ADH7: variants seen among roughly 807,000 people sequenced by gnomAD.
The protein encoded by ADH7 is alcohol dehydrogenase 7 (class IV), mu or sigma polypeptide.
ADH7 carries 41 observed loss-of-function variants against 34.4 expected under a neutral mutation model. The observed-to-expected ratio is 1.19, with a 90% CI of 0.93 to 1.55. ADH7 has a LOEUF of 1.55. ADH7 is among the 40% of genes most tolerant of loss of function. The pLI, the probability that ADH7 is intolerant of heterozygous loss-of-function variation, is 0.00. For missense variants in ADH7, 540 were observed against 461.2 expected (o/e 1.17, Z -1.56); for synonymous variants, 180 against 160.9 (o/e 1.12, Z -0.90).
chr4:99,430,731 T>A (rs758685085), intron 1 of ADH7, among the ~76,000 whole-genome samples: 1 of 152,198 alleles, frequency 6.6e-6, no homozygotes, highest in Non-Finnish European at 1.5e-5. Flanking sequence ...TGGCCCAATG[T>A]TGACGTTAGA....
rs1457604288 is a variant in ADH7, at chr4:99,424,248, T to C, written c.565-3455A>G. On this transcript the variant is annotated intron_variant, in intron 5 of 8. Coordinates refer to ENST00000437033, the MANE Select transcript of ADH7 (RefSeq NM_000673.7). ...GTTCCATTGATCTACATCTCTGTTT[T>C]GGTACCAGTACCATGCTGTTTTTGT... Among the ~76,000 whole-genome samples, 15 of 152,400 alleles carry C rather than the reference T, an allele frequency of 9.8e-5. No homozygotes were observed. In the East Asian group the frequency reaches 2.3e-3, roughly 23 times the overall value.
chr4:99,413,930 A>G (rs1015705352), intron 8 of ADH7, among the ~76,000 whole-genome samples: 3 of 152,204 alleles, frequency 2.0e-5, no homozygotes, highest in Non-Finnish European at 2.9e-5. Flanking sequence ...AGGAACGCAT[A>G]ATATAATGAC....
chr4:99,426,164 G>A (rs553845108), intron 5 of ADH7, among the ~76,000 whole-genome samples: 1 of 152,120 alleles, frequency 6.6e-6, no homozygotes, highest in Admixed American at 6.5e-5. Flanking sequence ...AAAAACAAGA[G>A]CAAACACATT....
At chr4:99,421,722 G>C (rs1211508465) in intron 5 of ADH7, among the ~76,000 whole-genome samples, 2 of 152,050 alleles carry the variant, frequency 1.3e-5, no homozygotes, top group Non-Finnish European at 2.9e-5. Context: ...GCAACCTACA[G>C]AATGGGAGGA....
rs1721441071 is a variant in ADH7 at position 99,413,016 on chromosome 4, G to T, written c.*132C>A. Reference sequence around the variant, plus strand: ...TAAAGGTTAATAATTCTTTATAAGGGTTCTATGTCTTCAACAAATCTTCTA... The same window carrying T: ...TAAAGGTTAATAATTCTTTATAAGGTTTCTATGTCTTCAACAAATCTTCTA... On this transcript the variant is annotated 3_prime_UTR_variant, in exon 9 of 9. Coordinates refer to ENST00000437033, the MANE Select transcript of ADH7 (RefSeq NM_000673.7). 4 of 899,570 alleles carry T rather than the reference G, an allele frequency of 4.4e-6. No individual in the cohort carries two copies. The highest frequency in any genetic ancestry group is 1.5e-5 in the South Asian group (1 of 66,030). The allele number at this position is 899,570 out of a possible 1,614,324, so 55.7% of individuals were successfully genotyped here.
chr4:99,424,910 A>G (rs947671597), intron 5 of ADH7, among the ~76,000 whole-genome samples: 9 of 152,116 alleles, frequency 5.9e-5, no homozygotes, highest in Admixed American at 5.9e-4. Context: ...TTCCAACACT[A>G]TGTTGAATAG....
Position 99,420,773 on chromosome 4 carries a change from G to C in ADH7, c.585C>G (p.Cys195Trp), listed in dbSNP as rs757198627. ...CAACTCCTCCCAGGCCAAAGACGACGCAAGTGGAACCAGGTTTGACCTGTG... is the reference window on the plus strand; with the variant it reads ...CAACTCCTCCCAGGCCAAAGACGACCCAAGTGGAACCAGGTTTGACCTGTG... ...KTGKVKPGST[C>W]VVFGLGGVGL... Residue 195 changes from cysteine (C) to tryptophan (W), a missense_variant, in exon 6 of 9, where the codon TGC (cysteine) becomes TGG (tryptophan). Coordinates refer to ENST00000437033, the MANE Select transcript of ADH7 (RefSeq NM_000673.7). The C allele has an allele frequency of 6.2e-7, 1 of 1,613,652 alleles. No homozygotes were observed. The highest frequency in any genetic ancestry group is 1.3e-5 in the African/African-American group (1 of 74,892).
rs1721429323 is a variant in ADH7 at position 99,412,468 on chromosome 4, T to G, written c.*680A>C. On this transcript the variant is annotated 3_prime_UTR_variant, in exon 9 of 9. Coordinates refer to ENST00000437033, the MANE Select transcript of ADH7 (RefSeq NM_000673.7). The stretch of plus-strand genomic sequence containing the variant: ...ATGATAATATGATTCTAGCTCTATG[T>G]TTATATTCAGTATTACAAAAGGAAT... The G allele has an allele frequency of 6.6e-6, 1 of 152,088 alleles. No homozygotes were observed. Among genetic ancestry groups the G allele is most frequent in the African/African-American group, 2.4e-5 (1 of 41,444 alleles). The allele number at this position is 152,088 out of a possible 1,614,324, so 9.4% of individuals were successfully genotyped here. A position where few individuals can be genotyped will look rare whatever the true frequency, so the allele number is the denominator to read the frequency against.
At chr4:99,425,063 TA>T (rs1412576981) in intron 5 of ADH7, among the ~76,000 whole-genome samples, 14 of 151,914 alleles carry the variant, frequency 9.2e-5, no homozygotes, top group African/African-American at 3.1e-4. Flanking sequence ...AAGGAAGAAC[TA>T]AACATAGAAA....
At chr4:99,413,564 A>G (rs916683479) in intron 8 of ADH7, among the ~76,000 whole-genome samples, 1 of 152,202 alleles carries the variant, frequency 6.6e-6, no homozygotes, top group Non-Finnish European at 1.5e-5. Context: ...GCAGAGGGTG[A>G]TAGAATGAAT....
At chr4:99,417,017 T>C (rs555617789) in intron 7 of ADH7, among the ~76,000 whole-genome samples, 4 of 152,170 alleles carry the variant, frequency 2.6e-5, no homozygotes, top group Non-Finnish European at 4.4e-5. Flanking sequence ...ATCTTCAAAA[T>C]GTATCCAAGA....
chr4:99,415,955 C>T (rs1579571094), intron 7 of ADH7: 2 of 172,440 alleles, frequency 1.2e-5, no homozygotes. Context: ...GGGAATGACA[C>T]ATACCAGGGC....
Position 99,415,531 on chromosome 4 carries a change from A to G in ADH7, c.1047T>C (p.Val349=), listed in dbSNP as rs746522286. 1.2e-6 allele frequency: 2 copies of G among 1,613,498 alleles called. No individual in the cohort carries two copies. The highest frequency in any genetic ancestry group is 2.7e-5 in the African/African-American group (2 of 74,900). Reference sequence around the variant, plus strand: ...CTTCACTGATTTTTTTAAATGGTAAAACATGAGTTATCAACTGGTCCAGGT... The same window carrying G: ...CTTCACTGATTTTTTTAAATGGTAAGACATGAGTTATCAACTGGTCCAGGT... ...KFDLDQLITH[V]LPFKKISEGF... is the part of the protein sequence containing the mutation. Residue 349 remains valine (V), a synonymous_variant, in exon 8 of 9, where the codon GTT becomes GTC. Coordinates refer to ENST00000437033, the MANE Select transcript of ADH7 (RefSeq NM_000673.7).
In ADH7 at chr4:99,435,319, C is replaced by G; in HGVS notation, c.-86G>C. 6.4e-7 allele frequency: 1 copy of G among 1,566,136 alleles called. No homozygotes were observed. The highest frequency in any genetic ancestry group is 8.8e-7 in the Non-Finnish European group (1 of 1,141,846). Reference sequence around the variant, plus strand: ...TTCACTCTGTTGTATATAACAGCAGCTTGTGCCTTCACATAGATAGTCTGG... The same window carrying G: ...TTCACTCTGTTGTATATAACAGCAGGTTGTGCCTTCACATAGATAGTCTGG... On this transcript the variant is annotated 5_prime_UTR_variant, in exon 1 of 9. Coordinates refer to ENST00000437033, the MANE Select transcript of ADH7 (RefSeq NM_000673.7).
At chr4:99,428,042 T>G in intron 4 of ADH7, 45 bp downstream of exon 4, 1 of 1,612,638 alleles carries the variant, frequency 6.2e-7, no homozygotes, top group African/African-American at 1.3e-5. Flanking sequence ...AAAATTAGCA[T>G]AGGAAAAATG....
Position 99,428,146 on chromosome 4 carries a change from T to TG in ADH7, c.287dup (p.Gln97ThrfsTer3). ...GACAAGCATTGCATTCTCTACATTG[T>TG]GGCAGAAAGAGAGGGATGACTTTGT... On this transcript the variant is annotated frameshift_variant, in exon 4 of 9. Transcript: ENST00000437033. LOFTEE classifies it high-confidence loss of function. 1 of 1,613,950 alleles carries TG rather than the reference T, an allele frequency of 6.2e-7. No homozygotes were observed. Among genetic ancestry groups the TG allele is most frequent in the Non-Finnish European group, 8.5e-7 (1 of 1,179,882 alleles).
At chr4:99,429,144 C>T (rs564005200) in intron 2 of ADH7, among the ~76,000 whole-genome samples, 13 of 152,258 alleles carry the variant, frequency 8.5e-5, no homozygotes, top group African/African-American at 2.6e-4. Flanking sequence ...AAACGTTCCA[C>T]GAAGTTGTCA....
intron 4 of ADH7, 33 bp from the exon 5 acceptor site, chr4:99,428,022 A>T: frequency 6.2e-7 from 1 of 1,612,810 alleles, no homozygotes; most frequent in Non-Finnish European, 8.5e-7. Flanking sequence ...GTATTAATTA[A>T]TTCAATTCAA....
chr4:99,428,681 C>T (rs1721873947), intron 2 of ADH7, 51 bp from the exon 3 acceptor site: 2 of 1,570,566 alleles, frequency 1.3e-6, no homozygotes, highest in Non-Finnish European at 1.7e-6. Flanking sequence ...GATCATTTCA[C>T]TGTTGGGAGA....
Sources: gnomAD v4.1 joint callset for allele counts (sites outside exome capture counted in the v4.1 genomes callset) on GRCh38, gnomAD v4.1.1 for gene constraint, MANE v1.5 for transcripts, NCBI Gene and HGNC (gene_info 2026-07-23, HGNC 2026-07-21) for gene names.